COL27A1: variants seen among roughly 807,000 people sequenced by gnomAD.
The protein encoded by COL27A1 is collagen alpha-1(XXVII) chain.
Under a neutral mutation model 251.3 loss-of-function variants are expected in COL27A1, and 106 were observed. That is an observed-to-expected ratio of 0.42 (90% CI 0.36 to 0.50). The LOEUF (loss-of-function observed/expected upper bound fraction) is 0.50. COL27A1 is among the 20% of genes least tolerant of loss of function. The probability of loss-of-function intolerance (pLI) is 0.00; values close to 1 mark genes in which losing one functional copy is unlikely to be tolerated. For synonymous variants in COL27A1, 1,000 were observed against 986.3 expected, an observed-to-expected ratio of 1.01 and a Z score of -0.26; for missense variants, 2,325 against 2,522.8, an observed-to-expected ratio of 0.92 and a Z score of 1.68.
intron 2 of COL27A1, among the ~76,000 whole-genome samples, chr9:114,163,635 G>A (rs992213817): frequency 2.5e-4 from 38 of 152,268 alleles, no homozygotes; most frequent in African/African-American, 7.7e-4. Context: ...CCGCCTTCAC[G>A]CCCAGCCCGT....
chr9:114,169,224 C>G lies in COL27A1; in HGVS notation c.1669C>G (p.Leu557Val). 6.2e-7 allele frequency: 1 copy of G among 1,614,016 alleles called. No individual in the cohort carries two copies. Among genetic ancestry groups the G allele is most frequent in the Non-Finnish European group, 8.5e-7 (1 of 1,179,962 alleles). The part of the protein sequence containing the change: ...PKSSPRKPVP[L>V]RPGKAARDVP... ...GAGCAGCCCCCGGAAGCCTGTCCCC[C>G]TCAGACCTGGGAAGGCAGCCAGGGA... The change falls in exon 3 of 61, where the codon CTC becomes GTC. Residue 557 changes from leucine (L) to valine (V), a missense_variant. By Grantham distance (32) the Leu-to-Val change is conservative. Around this residue, in one of 4 missense-constraint regions of COL27A1, gnomAD observed 1,183 missense variants for 1,144.1 expected, o/e 1.03. Coordinates refer to ENST00000356083, the MANE Select transcript of COL27A1 (RefSeq NM_032888.4).
chr9:114,257,324 G>T (rs530119749), intron 27 of COL27A1, among the ~76,000 whole-genome samples: 1 of 148,048 alleles, frequency 6.8e-6, no homozygotes, highest in South Asian at 2.2e-4. Flanking sequence ...GGTGGATGAA[G>T]TTGCTGCTTG....
intron 23 of COL27A1, among the ~76,000 whole-genome samples, chr9:114,243,953 G>A (rs1404549935): frequency 7.0e-6 from 1 of 142,356 alleles, no homozygotes; most frequent in African/African-American, 2.6e-5. Flanking sequence ...TTGAGATGGA[G>A]TCTCCCTCTG....
At chr9:114,237,055 C>T in intron 18 of COL27A1, 21 bp downstream of exon 18, 2 of 1,585,390 alleles carry the variant, frequency 1.3e-6, no homozygotes, top group Non-Finnish European at 1.7e-6. Flanking sequence ...GCTCCTCCAG[C>T]ACCCCCAAAC....
intron 27 of COL27A1, among the ~76,000 whole-genome samples, chr9:114,255,958 T>C (rs1833892240): frequency 6.6e-6 from 1 of 152,188 alleles, no homozygotes; most frequent in Admixed American, 6.5e-5. Context: ...GAGTATGAGA[T>C]TGTCATCGGA....
At chr9:114,241,014 T>C (rs1446677222) in intron 21 of COL27A1, among the ~76,000 whole-genome samples, 1 of 152,232 alleles carries the variant, frequency 6.6e-6, no homozygotes, top group Non-Finnish European at 1.5e-5. Flanking sequence ...AACTCTGTGC[T>C]TCCTGGGAGT....
Position 114,290,314 on chromosome 9 carries a change from G to T in COL27A1, c.4351G>T (p.Gly1451Trp). The T allele has an allele frequency of 6.3e-7, 1 of 1,580,672 alleles. No homozygotes were observed. The highest frequency in any genetic ancestry group is 8.6e-7 in the Non-Finnish European group (1 of 1,163,494). The change falls in exon 47 of 61, where the codon GGG becomes TGG. Residue 1451 changes from glycine to tryptophan, a missense_variant. Transcript: ENST00000356083. This position sits in a 1 kb window ranked among gnomAD's most constrained non-coding sequence, Gnocchi z 4.6. ...ACCAGATGGGCTTCCTGGCAGGGAC[G>T]GGCAAGCAGGACAGCAGGTGAGCGG... ...AGPDGLPGRDGQAGQQGEQGD... is the reference protein window; with the variant it reads ...AGPDGLPGRDWQAGQQGEQGD...
intron 3 of COL27A1, among the ~76,000 whole-genome samples, chr9:114,176,340 G>A (rs1301461948): frequency 6.6e-6 from 1 of 152,164 alleles, no homozygotes; most frequent in Non-Finnish European, 1.5e-5. Context: ...TTTGAGTTGA[G>A]GACGTTCCAG....
intron 12 of COL27A1, chr9:114,218,688 G>A (rs1830872473): frequency 6.6e-6 from 1 of 152,208 alleles, no homozygotes; most frequent in African/African-American, 2.4e-5. Flanking sequence ...CTTCCTGGCA[G>A]GGGAGAGATT....
chr9:114,289,349 T>C, intron 45 of COL27A1, 54 bp downstream of exon 45: 3 of 1,496,202 alleles, frequency 2.0e-6, no homozygotes, highest in Non-Finnish European at 2.7e-6. Context: ...GGGGGAAGCC[T>C]GACCCACAGT....
At chr9:114,309,952 A>C (rs1829331563) in intron 60 of COL27A1, among the ~76,000 whole-genome samples, 2 of 152,226 alleles carry the variant, frequency 1.3e-5, no homozygotes, top group Non-Finnish European at 2.9e-5. Context: ...ATGTGGGGAA[A>C]CCAACAATCT....
intron 37 of COL27A1, among the ~76,000 whole-genome samples, chr9:114,278,364 G>A (rs1669260163): frequency 1.5e-4 from 1 of 6,632 alleles, no homozygotes. Context: ...GATGGTGATA[G>A]TGGAGTGGAG....
At chr9:114,248,560 C>G (rs1222380597) in intron 24 of COL27A1, among the ~76,000 whole-genome samples, 4 of 152,230 alleles carry the variant, frequency 2.6e-5, no homozygotes, top group Admixed American at 2.6e-4. Flanking sequence ...GAGGAGCCAG[C>G]CATGCCCGCA....
intron 5 of COL27A1, among the ~76,000 whole-genome samples, chr9:114,193,529 A>G (rs1828894289): frequency 1.3e-5 from 2 of 152,270 alleles, no homozygotes; most frequent in South Asian, 2.1e-4. Flanking sequence ...GTCACCAGTC[A>G]GGATTATAAT....
chr9:114,298,644 T>A (rs1349799138), intron 49 of COL27A1, among the ~76,000 whole-genome samples: 2 of 152,034 alleles, frequency 1.3e-5, no homozygotes, highest in Non-Finnish European at 2.9e-5. Context: ...CATGCAAAAA[T>A]TAGCTAAAAA....
rs1048268058 is a variant in COL27A1 at position 114,300,655 on chromosome 9, A to T, written c.4669A>T (p.Ile1557Phe). 5 of 1,522,870 alleles carry T rather than the reference A, an allele frequency of 3.3e-6. No homozygotes were observed. Among genetic ancestry groups the T allele is most frequent in the Admixed American group, 4.6e-5 (2 of 43,836 alleles). The allele number at this position is 1,522,870 out of a possible 1,614,324, so 94.3% of individuals were successfully genotyped here. A position where few individuals can be genotyped will look rare whatever the true frequency, so the allele number is the denominator to read the frequency against. Reference protein sequence around the residue: ...GPPGDIGFKGIQGPRGPPGLM... With the variant: ...GPPGDIGFKGFQGPRGPPGLM... ...GCCTGGAGACATTGGCTTCAAAGGC[A>T]TCCAGGGCCCTCGGGGGCCACCTGG... The change falls in exon 51 of 61, where the codon ATC becomes TTC. Residue 1557 changes from isoleucine (I) to phenylalanine (F), a missense_variant. Physicochemically the swap from Ile to Phe is conservative, Grantham distance 21 (BLOSUM62 0). Around this residue, in one of 4 missense-constraint regions of COL27A1, gnomAD observed 327 missense variants for 442.8 expected, o/e 0.74. Coordinates refer to ENST00000356083, the MANE Select transcript of COL27A1 (RefSeq NM_032888.4).
At chr9:114,265,253 G>A in intron 31 of COL27A1, 143 bp downstream of exon 31, 1 of 1,099,742 alleles carries the variant, frequency 9.1e-7, no homozygotes, top group Non-Finnish European at 1.4e-6. Context: ...CACCTGCCCT[G>A]CACTGAAGCT....
At chr9:114,162,610 C>G in intron 1 of COL27A1, 105 bp from the exon 2 acceptor site, 1 of 811,186 alleles carries the variant, frequency 1.2e-6, no homozygotes. Context: ...GTGGGCAGGA[C>G]TGGGGTGAGA....
intron 28 of COL27A1, among the ~76,000 whole-genome samples, chr9:114,260,908 T>G (rs1834279225): frequency 6.6e-6 from 1 of 152,156 alleles, no homozygotes; most frequent in South Asian, 2.1e-4. Context: ...GACCCCAAGA[T>G]TCCAATGCCT....
Sources: gnomAD v4.1 joint callset for allele counts (sites outside exome capture counted in the v4.1 genomes callset) on GRCh38, gnomAD v4.1.1 for gene constraint, gnomAD v4.1.1 regional missense constraint, Gnocchi (gnomAD v3.1) non-coding constraint, MANE v1.5 for transcripts, NCBI Gene and HGNC (gene_info 2026-07-23, HGNC 2026-07-21) for gene names.